The following TNS3 variants were observed in gnomAD, a reference collection of about 807,000 sequenced individuals.
The protein encoded by TNS3 is tensin 3.
In TNS3, 45 loss-of-function variants were observed where a neutral mutation model predicts 140.9. The observed-to-expected ratio is 0.32, with a 90% confidence interval of 0.25 to 0.41. The LOEUF (loss-of-function observed/expected upper bound fraction) is 0.41. Ranked by LOEUF, TNS3 falls within the 10% of genes least tolerant of loss-of-function variation. TNS3 has a pLI of 1.00. For synonymous variants in TNS3, 815 were observed against 788.4 expected, an observed-to-expected ratio of 1.03 and a Z score of -0.56; for missense variants, 1,716 against 1,906.7, an observed-to-expected ratio of 0.90 and a Z score of 1.86.
In TNS3 at chr7:47,346,258, C is replaced by T. The variant is rs1359539796; in HGVS notation, c.2380G>A (p.Ala794Thr). ...AGGQLPFSKCAWGKAGVDYAP... is the reference protein window; with the variant it reads ...AGGQLPFSKCTWGKAGVDYAP... Reference sequence around the variant, plus strand: ...TAGTCCACACCAGCCTTTCCCCATGCACATTTGGAGAAGGGCAGCTGCCCC... The same window carrying T: ...TAGTCCACACCAGCCTTTCCCCATGTACATTTGGAGAAGGGCAGCTGCCCC... The change falls in exon 18 of 31, where the codon GCA becomes ACA. Residue 794 changes from alanine (A) to threonine (T), a missense_variant. Around this residue, in one of 3 missense-constraint regions of TNS3, gnomAD observed 1,163 missense variants for 1,182.1 expected, o/e 0.98. Transcript: ENST00000311160. The T allele has an allele frequency of 6.2e-7, 1 of 1,614,184 alleles. No individual in the cohort carries two copies. Among genetic ancestry groups the T allele is most frequent in the South Asian group, 1.1e-5 (1 of 91,084 alleles).
At chr7:47,517,440 G>T (rs778780228) in intron 2 of TNS3, among the ~76,000 whole-genome samples, 16 of 152,152 alleles carry the variant, frequency 1.1e-4, no homozygotes, top group Non-Finnish European at 1.8e-4. Flanking sequence ...AAGGGGAAGA[G>T]CTCACCCGCA....
upstream of TNS3, chr7:47,582,481 CAGCGCCTGTGATTA>C: frequency 2.2e-6 from 1 of 456,646 alleles, no homozygotes; most frequent in Non-Finnish European, 4.4e-6. Flanking sequence ...TTCTTTCATT[CAGCGCCTGTGATTA>C]AGGTGCTCTC....
At chr7:47,527,812 G>A (rs1363813808) in intron 2 of TNS3, among the ~76,000 whole-genome samples, 1 of 152,066 alleles carries the variant, frequency 6.6e-6, no homozygotes, top group Non-Finnish European at 1.5e-5. Context: ...AGTGGCTGAG[G>A]TGGGAGGATG....
Position 47,303,467 on chromosome 7 carries a change from C to T in TNS3, c.2940G>A (p.Lys980=), listed in dbSNP as rs930516542. ...GGAAGCAGGACAGCACTGGGGAGTC[C>T]TTCCTGGTACCGGAGAACTCAGCGC... The part of the protein sequence containing the change: ...PLSAEFSGTR[K]DSPVLSCFPP... The change falls in exon 22 of 31, where the codon AAG becomes AAA. Residue 980 remains lysine (K), a synonymous_variant. Coordinates refer to ENST00000311160, the MANE Select transcript of TNS3 (RefSeq NM_022748.12). The T allele has an allele frequency of 1.2e-6, 2 of 1,612,054 alleles. No individual in the cohort carries two copies. The highest frequency in any genetic ancestry group is 2.2e-5 in the East Asian group (1 of 44,864).
chr7:47,503,194 C>G (rs1798291106), intron 3 of TNS3, among the ~76,000 whole-genome samples: 1 of 152,112 alleles, frequency 6.6e-6, no homozygotes, highest in East Asian at 1.9e-4. Flanking sequence ...ACTCAATACC[C>G]TACACAAAGT....
At chr7:47,287,479 G>A (rs1252512417) in intron 27 of TNS3, among the ~76,000 whole-genome samples, 1 of 152,220 alleles carries the variant, frequency 6.6e-6, no homozygotes, top group East Asian at 1.9e-4. Context: ...AGGACTCTAA[G>A]TGAATTAGGA....
At position 47,481,785 on chromosome 7, in the gene TNS3, G is replaced by A. The variant is rs577539830; in HGVS notation, c.-114-644C>T. The A allele has an allele frequency of 2.8e-5, 24 of 851,212 alleles. No homozygotes were observed. In the South Asian group the frequency reaches 1.2e-3, roughly 44 times the overall value. 52.7% of individuals were successfully genotyped at this position (851,212 alleles called of 1,614,324 possible). A position where few individuals can be genotyped will look rare whatever the true frequency, so the allele number is the denominator to read the frequency against. On this transcript the variant is annotated intron_variant, in intron 3 of 30. Transcript: ENST00000311160. Reference sequence around the variant, plus strand: ...AGGTGGCTCAAACACAGTCAGGAGAGGCAGTTAGTAACAGGCACAGGGAGC... The same window carrying A: ...AGGTGGCTCAAACACAGTCAGGAGAAGCAGTTAGTAACAGGCACAGGGAGC...
At chr7:47,423,744 C>T (rs1794501226) in intron 10 of TNS3, among the ~76,000 whole-genome samples, 1 of 152,208 alleles carries the variant, frequency 6.6e-6, no homozygotes, top group South Asian at 2.1e-4. Context: ...TAGTCCGTTG[C>T]AGAGATAGTT....
chr7:47,552,417 GT>G (rs1051646429), intron 1 of TNS3, among the ~76,000 whole-genome samples: 1 of 152,066 alleles, frequency 6.6e-6, no homozygotes, highest in Non-Finnish European at 1.5e-5. Flanking sequence ...CAGATACTCA[GT>G]TTTTTTTAAC....
chr7:47,555,143 G>A (rs1800162391), intron 1 of TNS3, among the ~76,000 whole-genome samples: 1 of 152,194 alleles, frequency 6.6e-6, no homozygotes, highest in African/African-American at 2.4e-5. Flanking sequence ...GCTCAAGCCT[G>A]TAATCCCAGC....
intron 3 of TNS3, among the ~76,000 whole-genome samples, chr7:47,487,164 C>T (rs766642455): frequency 9.9e-5 from 15 of 151,996 alleles, no homozygotes; most frequent in African/African-American, 3.6e-4. Context: ...CAGGGCGTGG[C>T]GGCACGTGCC....
intron 14 of TNS3, 57 bp downstream of exon 14, chr7:47,400,728 C>T: frequency 6.3e-7 from 1 of 1,598,982 alleles, no homozygotes; most frequent in Non-Finnish European, 8.5e-7. Flanking sequence ...AAGAATCAAC[C>T]AAGGAGGTTC....
chr7:47,352,723 C>T (rs1173407831), intron 17 of TNS3, among the ~76,000 whole-genome samples: 1 of 152,134 alleles, frequency 6.6e-6, no homozygotes, highest in African/African-American at 2.4e-5. Flanking sequence ...GCCAAAGGCA[C>T]CCTCTTCTCA....
chr7:47,410,820 C>T (rs1030578117), intron 13 of TNS3, among the ~76,000 whole-genome samples: 5 of 152,188 alleles, frequency 3.3e-5, no homozygotes, highest in African/African-American at 1.2e-4. Flanking sequence ...GAAAGTCATA[C>T]ATATGCCTTA....
intron 3 of TNS3, among the ~76,000 whole-genome samples, chr7:47,503,483 G>A (rs1798301924): frequency 6.6e-6 from 1 of 152,070 alleles, no homozygotes; most frequent in African/African-American, 2.4e-5. Flanking sequence ...AAGTCATGAT[G>A]CCCACACAGC....
At position 47,303,169 on chromosome 7, in the gene TNS3, GGCT is replaced by G. The variant is rs759077287; in HGVS notation, c.3235_3237del (p.Ser1079del). On this transcript the variant is annotated inframe_deletion, in exon 22 of 31. Transcript: ENST00000311160. ...TGGCCCTGCAGGCCTGGACTGTGGT[GGCT>G]GCTGTGTCCAGGCGCCACCGTGAGA... is the stretch of plus-strand genomic sequence containing the variant. The G allele has an allele frequency of 2.0e-5, 33 of 1,613,766 alleles. No individual in the cohort carries two copies. In the African/African-American group the frequency reaches 4.3e-4, roughly 21 times the overall value.
chr7:47,477,555 C>T (rs1797241761), intron 4 of TNS3, among the ~76,000 whole-genome samples: 1 of 152,112 alleles, frequency 6.6e-6, no homozygotes, highest in African/African-American at 2.4e-5. Flanking sequence ...TTCTGAGCTC[C>T]AGCAGGTGAG....
chr7:47,342,491 A>G (rs1789076931), intron 20 of TNS3, among the ~76,000 whole-genome samples: 1 of 152,230 alleles, frequency 6.6e-6, no homozygotes, highest in South Asian at 2.1e-4. Flanking sequence ...GGAGGTTCAT[A>G]GGGGTTACCT....
intron 16 of TNS3, among the ~76,000 whole-genome samples, chr7:47,373,814 C>T (rs1791217030): frequency 6.6e-6 from 1 of 152,212 alleles, no homozygotes; most frequent in Admixed American, 6.5e-5. Flanking sequence ...TCACACATGA[C>T]AAAATGTGGG....
Sources: allele counts gnomAD v4.1 joint callset (sites outside exome capture counted in the v4.1 genomes callset), GRCh38; gene constraint gnomAD v4.1.1; regional missense constraint gnomAD v4.1.1; transcripts MANE v1.5; gene names NCBI Gene and HGNC (gene_info 2026-07-23, HGNC 2026-07-21).